The following ST6GALNAC3 variants were observed in gnomAD, a reference collection of about 807,000 sequenced individuals.
ST6GALNAC3 encodes alpha-N-acetylgalactosaminide alpha-2,6-sialyltransferase 3.
A neutral mutation model predicts 32.7 loss-of-function variants in ST6GALNAC3; 25 were observed. That is an observed-to-expected ratio of 0.76 (90% CI 0.56 to 1.07). ST6GALNAC3 has a LOEUF of 1.07. Ranked by LOEUF, ST6GALNAC3 falls within the 50% of genes least tolerant of loss-of-function variation. The pLI is 0.00. For synonymous variants in ST6GALNAC3, 129 were observed against 133.1 expected (o/e 0.97, Z 0.21); for missense variants, 355 against 382.4 (o/e 0.93, Z 0.60).
At chr1:76,089,329 G>A (rs1647010548) in intron 1 of ST6GALNAC3, among the ~76,000 whole-genome samples, 1 of 152,132 alleles carries the variant, frequency 6.6e-6, no homozygotes, top group African/African-American at 2.4e-5. Context: ...GGGATTACAG[G>A]CATAAGCCAC....
chr1:76,103,625 T>C (rs1647329866), intron 1 of ST6GALNAC3, among the ~76,000 whole-genome samples: 1 of 152,160 alleles, frequency 6.6e-6, no homozygotes, highest in Non-Finnish European at 1.5e-5. Flanking sequence ...ATTCTCTCAC[T>C]GTTCAGGAGG....
In ST6GALNAC3 at chr1:76,628,391, T is replaced by C. The variant is rs892144386; in HGVS notation, c.732-229T>C. Among the ~76,000 whole-genome samples the C allele has an allele frequency of 6.1e-4, 93 of 152,026 alleles. 6 individuals are homozygous for C. Among genetic ancestry groups the C allele is most frequent in the Non-Finnish European group, 2.1e-4 (14 of 67,936 alleles). On this transcript the variant is annotated intron_variant, in intron 4 of 4. Transcript: ENST00000328299. ...CAAAAGATAGCCATATGTTTGAATG[T>C]AATTGGCATGATATATAAATTTTAT...
intron 2 of ST6GALNAC3, among the ~76,000 whole-genome samples, chr1:76,322,909 C>T (rs1012876321): frequency 1.1e-4 from 16 of 152,100 alleles, no homozygotes; most frequent in Non-Finnish European, 2.2e-4. Flanking sequence ...GGCACGATCT[C>T]GGCTCACTGC....
intron 3 of ST6GALNAC3, among the ~76,000 whole-genome samples, chr1:76,421,217 G>C (rs1396596080): frequency 3.3e-5 from 5 of 152,032 alleles, no homozygotes; most frequent in Non-Finnish European, 7.4e-5. Flanking sequence ...TCACAGCAAT[G>C]CCAAAGAGGC....
At chr1:76,114,242 A>G (rs1333410458) in intron 1 of ST6GALNAC3, among the ~76,000 whole-genome samples, 5 of 152,180 alleles carry the variant, frequency 3.3e-5, no homozygotes, top group African/African-American at 9.7e-5. Context: ...AAAAATATAG[A>G]CAGCATGGGT....
intron 3 of ST6GALNAC3, among the ~76,000 whole-genome samples, chr1:76,618,516 A>G (rs1295859437): frequency 6.6e-6 from 1 of 152,238 alleles, no homozygotes; most frequent in Non-Finnish European, 1.5e-5. Context: ...AAACAATACA[A>G]TTATCAATCG....
intron 3 of ST6GALNAC3, among the ~76,000 whole-genome samples, chr1:76,519,057 A>C (rs1021015816): frequency 6.6e-6 from 1 of 152,156 alleles, no homozygotes; most frequent in African/African-American, 2.4e-5. Context: ...AATAAAATAA[A>C]ATGTATCACT....
intron 3 of ST6GALNAC3, among the ~76,000 whole-genome samples, chr1:76,420,637 T>C (rs1654966647): frequency 1.3e-5 from 2 of 152,096 alleles, no homozygotes; most frequent in South Asian, 4.1e-4. Context: ...TGTCCTTAAA[T>C]TGACCTCAGC....
chr1:76,571,732 T>C (rs1665872335), intron 3 of ST6GALNAC3, among the ~76,000 whole-genome samples: 1 of 152,114 alleles, frequency 6.6e-6, no homozygotes, highest in Admixed American at 6.6e-5. Flanking sequence ...GTGAATTTAT[T>C]ATCATCCTGG....
intron 3 of ST6GALNAC3, among the ~76,000 whole-genome samples, chr1:76,418,140 G>T (rs1002171788): frequency 6.6e-5 from 10 of 152,032 alleles, no homozygotes; most frequent in Admixed American, 5.2e-4. Flanking sequence ...AGCTAGCAAG[G>T]GTTTTAAGGG....
intron 2 of ST6GALNAC3, among the ~76,000 whole-genome samples, chr1:76,399,309 T>C (rs1298339391): frequency 6.6e-6 from 1 of 152,208 alleles, no homozygotes; most frequent in Non-Finnish European, 1.5e-5. Context: ...CATTACTCTA[T>C]TGTATTTCTG....
intron 3 of ST6GALNAC3, among the ~76,000 whole-genome samples, chr1:76,523,016 G>A (rs1662646182): frequency 6.6e-6 from 1 of 152,150 alleles, no homozygotes; most frequent in Non-Finnish European, 1.5e-5. Flanking sequence ...GAAACTGGAA[G>A]GAGCCTAGGT....
chr1:76,133,420 A>G (rs1412473754), intron 1 of ST6GALNAC3, among the ~76,000 whole-genome samples: 1 of 152,186 alleles, frequency 6.6e-6, no homozygotes, highest in Admixed American at 6.5e-5. Flanking sequence ...TAAAGTGGCC[A>G]GCAGTCAAGG....
At chr1:76,088,875 A>G (rs1426933513) in intron 1 of ST6GALNAC3, among the ~76,000 whole-genome samples, 1 of 152,248 alleles carries the variant, frequency 6.6e-6, no homozygotes, top group Non-Finnish European at 1.5e-5. Context: ...ATGAAGGAAC[A>G]GGACATTTTG....
At chr1:76,531,712 A>G (rs908354885) in intron 3 of ST6GALNAC3, among the ~76,000 whole-genome samples, 1 of 152,178 alleles carries the variant, frequency 6.6e-6, no homozygotes, top group African/African-American at 2.4e-5. Context: ...GTAATTGATA[A>G]AATAGACTCA....
At chr1:76,344,110 A>C (rs1648293670) in intron 2 of ST6GALNAC3, among the ~76,000 whole-genome samples, 1 of 152,260 alleles carries the variant, frequency 6.6e-6, no homozygotes, top group Non-Finnish European at 1.5e-5. Flanking sequence ...GTGTTATGAA[A>C]GAAACAAACA....
intron 3 of ST6GALNAC3, among the ~76,000 whole-genome samples, chr1:76,510,228 A>G (rs1368286139): frequency 6.6e-6 from 1 of 152,216 alleles, no homozygotes; most frequent in East Asian, 1.9e-4. Flanking sequence ...ACAGCATACT[A>G]GGAGCTCTGG....
chr1:76,573,516 T>C lies in ST6GALNAC3; in HGVS notation c.624-53936T>C, dbSNP rs531863718. 2.0e-5 allele frequency among the ~76,000 whole-genome samples: 3 copies of C among 152,210 alleles called. No individual in the cohort carries two copies. The South Asian group carries it at 6.2e-4, about 32-fold the overall frequency. On this transcript the variant is annotated intron_variant, in intron 3 of 4. Transcript: ENST00000328299. ...CTTAGTTCCTTCTCTGCTCAGAACT[T>C]AGTGTGACTATGTGGCCTACCTCAC...
At chr1:76,636,197 GGAAGCA>G (rs1201915356), downstream of ST6GALNAC3, among the ~76,000 whole-genome samples, 2 of 152,126 alleles carry the variant, frequency 1.3e-5, no homozygotes. Flanking sequence ...TTTTGCCCAA[GGAAGCA>G]AGAGAGAAAC....
Sources: allele counts gnomAD v4.1 joint callset (sites outside exome capture counted in the v4.1 genomes callset), GRCh38; gene constraint gnomAD v4.1.1; transcripts MANE v1.5; gene names NCBI Gene and HGNC (gene_info 2026-07-23, HGNC 2026-07-21).